DSTYK: variants seen among roughly 807,000 people sequenced by gnomAD.
DSTYK encodes the protein RIP-homologous kinase.
In DSTYK, 34 loss-of-function variants were observed where a neutral mutation model predicts 98.7. The ratio of observed to expected loss-of-function variants is 0.34; its 90% CI spans 0.26 to 0.46. The LOEUF (loss-of-function observed/expected upper bound fraction) is 0.46, where lower values mean the gene tolerates loss of function less well. Among genes scored for constraint, DSTYK ranks in the 20% least tolerant of loss-of-function variants. The pLI is 1.00. For synonymous variants in DSTYK, 462 were observed against 457.3 expected (o/e 1.01, Z -0.13); for missense variants, 962 against 1,181.7 (o/e 0.81, Z 2.73).
rs1229304292 is a variant in DSTYK at position 205,211,506 on chromosome 1, G to T, written c.30C>A (p.Ser10Arg). The change falls in exon 1 of 13, where the codon AGC becomes AGA. Residue 10 changes from serine (S) to arginine (R), a missense_variant. This residue lies in a region of DSTYK where 168 missense variants were observed against 120.0 expected (regional missense o/e 1.40). Coordinates refer to ENST00000367162, the MANE Select transcript of DSTYK (RefSeq NM_015375.3). ...CGGGGCCGGGACCCGAGACGGGCTC[G>T]CTGCCCCATGGCACCCCGTCGCCCT... is the stretch of plus-strand genomic sequence containing the variant. MEGDGVPWG[S>R]EPVSGPGPGG... 6.4e-7 allele frequency: 1 copy of T among 1,568,256 alleles called. No homozygotes were observed. The highest frequency in any genetic ancestry group is 1.4e-5 in the African/African-American group (1 of 72,852).
rs759185019 is a variant in DSTYK, at chr1:205,150,684, G to A, written c.2463C>T (p.Phe821=). 2 of 1,613,356 alleles carry A rather than the reference G, an allele frequency of 1.2e-6. No individual in the cohort carries two copies. The part of the protein sequence containing the change: ...GTPIHMAPEL[F]TGKYDNSVDV... The stretch of plus-strand genomic sequence containing the variant: ...CTGCCTGCCCTCCAGCCTTACCTGT[G>A]AAAAGTTCAGGGGCCATATGGATTG... The change falls in exon 11 of 13, where the codon TTC becomes TTT. Residue 821 remains phenylalanine (F), a synonymous_variant. Transcript: ENST00000367162. This position sits in a 1 kb window ranked among gnomAD's most constrained non-coding sequence, Gnocchi z 4.1.
intron 1 of DSTYK, among the ~76,000 whole-genome samples, chr1:205,188,342 T>C (rs553575464): frequency 6.6e-6 from 1 of 152,294 alleles, no homozygotes; most frequent in East Asian, 1.9e-4. Context: ...AATTTTGTCA[T>C]TGTGTAAACA....
At position 205,176,199 on chromosome 1, in the gene DSTYK, T is replaced by C. The variant is rs113498001; in HGVS notation, c.655-6367A>G. Among the ~76,000 whole-genome samples, 1,306 of 152,056 alleles carry C rather than the reference T, an allele frequency of 8.6e-3. 22 individuals carry two copies. Among genetic ancestry groups the C allele is most frequent in the African/African-American group, 0.03 (1,251 of 41,508 alleles). On this transcript the variant is annotated intron_variant, in intron 2 of 12. Transcript: ENST00000367162. ...CATGATTAAGAAATGCAATAGAGGC[T>C]GGGTGCAGTGATTCACGCCTGTAAT...
chr1:205,161,946 T>C (rs1657735538), intron 6 of DSTYK, 90 bp downstream of exon 6: 1 of 1,170,140 alleles, frequency 8.5e-7, no homozygotes, highest in South Asian at 1.5e-5. Context: ...ACACACATAT[T>C]ATATATGAAG....
intron 9 of DSTYK, among the ~76,000 whole-genome samples, 154 bp from the exon 10 acceptor site, chr1:205,157,540 C>A (rs1392684155): frequency 6.6e-6 from 1 of 151,992 alleles, no homozygotes; most frequent in African/African-American, 2.4e-5. Context: ...TTAGGGAGGC[C>A]AAGGTCAAGA....
intron 10 of DSTYK, among the ~76,000 whole-genome samples, chr1:205,152,695 A>G (rs1316819649): frequency 4.0e-5 from 6 of 151,412 alleles, no homozygotes; most frequent in Non-Finnish European, 1.5e-5. Flanking sequence ...TGTATCTATT[A>G]TATTTGCTGA....
In DSTYK at chr1:205,146,507, TATAG is replaced by T. The variant is rs924148412; in HGVS notation, c.*1047_*1050del. On this transcript the variant is annotated 3_prime_UTR_variant, in exon 13 of 13. Transcript: ENST00000367162. ...CCAATAACTCCTGTGTGTATGTCTATATAGATAGAGATATAGACACACACACATA... is the reference window on the plus strand; with the variant it reads ...CCAATAACTCCTGTGTGTATGTCTATATAGAGATATAGACACACACACATA... The T allele has an allele frequency of 5.3e-5, 8 of 151,960 alleles. No homozygotes were observed. The highest frequency in any genetic ancestry group is 2.6e-4 in the Admixed American group (4 of 15,250). 9.4% of individuals were successfully genotyped at this position (151,960 alleles called of 1,614,324 possible). A position where few individuals can be genotyped will look rare whatever the true frequency, so the allele number is the denominator to read the frequency against.
At chr1:205,194,668 C>G (rs896685044) in intron 1 of DSTYK, among the ~76,000 whole-genome samples, 2 of 151,636 alleles carry the variant, frequency 1.3e-5, no homozygotes, top group Admixed American at 6.6e-5. Flanking sequence ...TAGGCATGAG[C>G]CGCCGTGCCT....
intron 2 of DSTYK, among the ~76,000 whole-genome samples, chr1:205,183,313 C>A (rs1466292427): frequency 6.6e-6 from 1 of 152,118 alleles, no homozygotes; most frequent in East Asian, 1.9e-4. Context: ...TATATTTGAA[C>A]ACTAAATGAG....
chr1:205,174,648 A>ACT (rs938900840), intron 2 of DSTYK, among the ~76,000 whole-genome samples: 1 of 151,088 alleles, frequency 6.6e-6, no homozygotes, highest in African/African-American at 2.4e-5. Flanking sequence ...ACACCACTGC[A>ACT]CTCTAGCCTG....
Position 205,171,450 on chromosome 1 carries a change from CA to C in DSTYK, c.655-1619del, listed in dbSNP as rs1443675319. Among the ~76,000 whole-genome samples the C allele has an allele frequency of 6.8e-4, 75 of 110,370 alleles. 1 individual carries two copies. In the East Asian group the frequency reaches 0.017, roughly 26 times the overall value. The allele number at this position is 110,370 out of a possible 152,430, so 72.4% of individuals were successfully genotyped here. On this transcript the variant is annotated intron_variant, in intron 2 of 12. Coordinates refer to ENST00000367162, the MANE Select transcript of DSTYK (RefSeq NM_015375.3). ...TGGGCGACAAAGCAAGACTCTGTCT[CA>C]ATTAAAAAAAAAAAAAAAAAAAAAG...
intron 6 of DSTYK, 140 bp downstream of exon 6, chr1:205,161,896 G>C: frequency 1.5e-6 from 1 of 658,788 alleles, no homozygotes. Context: ...GTGTGTGTGT[G>C]TATATATATG....
intron 10 of DSTYK, among the ~76,000 whole-genome samples, chr1:205,153,270 G>A (rs1010989588): frequency 2.6e-5 from 4 of 152,090 alleles, no homozygotes; most frequent in African/African-American, 9.7e-5. Context: ...CTTTCAAGAG[G>A]AGCAGGTCGA....
At chr1:205,151,263 A>C (rs1657394105) in intron 10 of DSTYK, among the ~76,000 whole-genome samples, 1 of 152,234 alleles carries the variant, frequency 6.6e-6, no homozygotes, top group Non-Finnish European at 1.5e-5. Context: ...GTTACTGTAC[A>C]CCACTGTAGG....
At position 205,183,080 on chromosome 1, in the gene DSTYK, GCA is replaced by G. The variant is rs35209324; in HGVS notation, c.654+4336_654+4337del. Among the ~76,000 whole-genome samples, 528 of 88,772 alleles carry G rather than the reference GCA, an allele frequency of 5.9e-3. 2 individuals carry two copies. Among genetic ancestry groups the G allele is most frequent in the African/African-American group, 0.017 (499 of 30,100 alleles). The allele number at this position is 88,772 out of a possible 152,430, so 58.2% of individuals were successfully genotyped here. On this transcript the variant is annotated intron_variant, in intron 2 of 12. Transcript: ENST00000367162. Reference sequence around the variant, plus strand: ...AGGTGTTCACAGGAAAAAAAAAAAAGCACACACACACACACACACACAGAGAT... The same window carrying G: ...AGGTGTTCACAGGAAAAAAAAAAAAGCACACACACACACACACACAGAGAT...
At chr1:205,188,684 CTATAAATGTATAAAATG>C (rs1317020558) in intron 1 of DSTYK, among the ~76,000 whole-genome samples, 1 of 152,124 alleles carries the variant, frequency 6.6e-6, no homozygotes, top group African/African-American at 2.4e-5. Flanking sequence ...AATGTATGAG[CTATAAATGTATAAAATG>C]TATAAATGTA....
At chr1:205,165,995 C>T (rs1427306372) in intron 3 of DSTYK, among the ~76,000 whole-genome samples, 1 of 151,526 alleles carries the variant, frequency 6.6e-6, no homozygotes, top group Non-Finnish European at 1.5e-5. Context: ...GCACTCCAGC[C>T]TGGGCGACAG....
intron 3 of DSTYK, among the ~76,000 whole-genome samples, chr1:205,164,412 A>AAG (rs1201078058): frequency 6.6e-6 from 1 of 152,170 alleles, no homozygotes; most frequent in Non-Finnish European, 1.5e-5. Context: ...GTCTCAAAAA[A>AAG]AAAAAATAAA....
At chr1:205,179,875 C>A (rs1558615434) in intron 2 of DSTYK, among the ~76,000 whole-genome samples, 1 of 152,110 alleles carries the variant, frequency 6.6e-6, no homozygotes, top group Non-Finnish European at 1.5e-5. Flanking sequence ...AGATTCCCTA[C>A]CCCATCCATC....
Sources: allele counts gnomAD v4.1 joint callset (sites outside exome capture counted in the v4.1 genomes callset), GRCh38; gene constraint gnomAD v4.1.1; regional missense constraint gnomAD v4.1.1; non-coding constraint Gnocchi (gnomAD v3.1); transcripts MANE v1.5; gene names NCBI Gene and HGNC (gene_info 2026-07-23, HGNC 2026-07-21).